Variants in PHF3 observed in about 807,000 individuals in gnomAD.
PHF3 encodes the protein PHD finger protein 3.
In PHF3, 41 loss-of-function variants were observed where a neutral mutation model predicts 178.4. The ratio of observed to expected loss-of-function variants is 0.23; its 90% CI spans 0.18 to 0.30. The LOEUF (loss-of-function observed/expected upper bound fraction) is 0.30. Among genes scored for constraint, PHF3 ranks in the 10% least tolerant of loss-of-function variants. The pLI is 1.00. For missense variants in PHF3, 2,346 were observed against 2,398.1 expected, an observed-to-expected ratio of 0.98 and a Z score of 0.45; for synonymous variants, 842 against 800.5, an observed-to-expected ratio of 1.05 and a Z score of -0.88.
At chr6:63,709,089 A>G in intron 13 of PHF3, 62 bp from the exon 14 acceptor site, 1 of 807,664 alleles carries the variant, frequency 1.2e-6, no homozygotes, top group Non-Finnish European at 1.9e-6. Flanking sequence ...TGTATGAATT[A>G]CTAATGTCAT....
intron 4 of PHF3, among the ~76,000 whole-genome samples, chr6:63,688,670 C>T (rs1182165684): frequency 6.6e-6 from 1 of 152,056 alleles, no homozygotes; most frequent in African/African-American, 2.4e-5. Flanking sequence ...GCCTTCACTA[C>T]TACTGTGATT....
At chr6:63,694,432 T>C (rs891609059) in intron 5 of PHF3, 149 bp from the exon 6 acceptor site, 3 of 479,634 alleles carry the variant, frequency 6.3e-6, no homozygotes, top group African/African-American at 2.0e-5. Flanking sequence ...TAAGCTATTA[T>C]GTGTTCTACA....
At position 63,671,631 on chromosome 6, in the gene PHF3, G is replaced by A. The variant is rs189220949; in HGVS notation, c.245-8369G>A. ...CAAGCAGAGAAATAGCAAATGAAGG[G>A]TACTCAAAATGTTTAGTTAATACTT... On this transcript the variant is annotated intron_variant, in intron 2 of 15. Transcript: ENST00000262043. Among the ~76,000 whole-genome samples, 5 of 152,202 alleles carry A rather than the reference G, an allele frequency of 3.3e-5. No individual in the cohort carries two copies. The East Asian group carries it at 9.6e-4, about 29-fold the overall frequency.
Position 63,719,030 on chromosome 6 carries a change from AAAAC to A in PHF3, c.*5327_*5330del, listed in dbSNP as rs992664787. Among the ~76,000 whole-genome samples the A allele has an allele frequency of 3.3e-5, 5 of 152,158 alleles. No homozygotes were observed. In the South Asian group the frequency reaches 8.3e-4, roughly 25 times the overall value. ...GTTGTTTTAAGTGGTTTCCGTTAAA[AAAAC>A]AAACCTTTGAATCAATGTGTAAACA... On this transcript the variant is annotated 3_prime_UTR_variant, in exon 16 of 16. Transcript: ENST00000262043.
At chr6:63,673,907 T>C (rs1766036519) in intron 2 of PHF3, among the ~76,000 whole-genome samples, 1 of 152,176 alleles carries the variant, frequency 6.6e-6, no homozygotes, top group African/African-American at 2.4e-5. Context: ...GTTTGCATAG[T>C]TTGGGCTAAA....
chr6:63,659,869 T>C (rs2149554388), intron 2 of PHF3, among the ~76,000 whole-genome samples: 1 of 152,298 alleles, frequency 6.6e-6, no homozygotes, highest in South Asian at 2.1e-4. Flanking sequence ...GTTTTGAGAA[T>C]GGTTAATTTC....
intron 13 of PHF3, among the ~76,000 whole-genome samples, chr6:63,708,257 AT>A (rs1767780869): frequency 6.6e-6 from 1 of 152,214 alleles, no homozygotes; most frequent in African/African-American, 2.4e-5. Context: ...TAAGAGAAAA[AT>A]GAATTAGATC....
chr6:63,699,045 A>G (rs1185776041), intron 8 of PHF3, among the ~76,000 whole-genome samples: 1 of 152,220 alleles, frequency 6.6e-6, no homozygotes. Context: ...AAGAAAATAC[A>G]TAACTTTAGT....
chr6:63,721,800 GCAA>G lies in PHF3; in HGVS notation c.*8093_*8095del, dbSNP rs1206740424. On this transcript the variant is annotated 3_prime_UTR_variant, in exon 16 of 16. Coordinates refer to ENST00000262043, the MANE Select transcript of PHF3 (RefSeq NM_001370348.2). ...TAAAGAGATGCATAAAAAATCACCT[GCAA>G]GAAAGCAAACAGTAAGTTTGATTAG... 2 of 1,537,418 alleles carry G rather than the reference GCAA, an allele frequency of 1.3e-6. No homozygotes were observed. Among genetic ancestry groups the G allele is most frequent in the African/African-American group, 2.8e-5 (2 of 72,296 alleles).
intron 2 of PHF3, 77 bp downstream of exon 2, chr6:63,646,872 TTTTC>T: frequency 9.8e-7 from 1 of 1,023,160 alleles, no homozygotes; most frequent in Admixed American, 4.1e-5. Context: ...GCTTTTTCTT[TTTTC>T]TTTTTTTCTT....
chr6:63,706,984 A>G, intron 13 of PHF3, 108 bp downstream of exon 13: 1 of 954,884 alleles, frequency 1.0e-6, no homozygotes. Flanking sequence ...TTTATTAACA[A>G]TGATTTTTAA....
intron 2 of PHF3, 38 bp downstream of exon 2, chr6:63,646,833 T>A: frequency 7.9e-7 from 1 of 1,262,092 alleles, no homozygotes; most frequent in Non-Finnish European, 1.0e-6. Context: ...TTTTTTAGTC[T>A]GCAATTTAAA....
chr6:63,649,746 G>A (rs1005727124), intron 2 of PHF3, among the ~76,000 whole-genome samples: 1 of 152,220 alleles, frequency 6.6e-6, no homozygotes, highest in Non-Finnish European at 1.5e-5. Context: ...TTTTGACTGT[G>A]TCAAGTATTA....
At chr6:63,670,468 C>CCACGTTAGCCAGGATGGT (rs1765867617) in intron 2 of PHF3, among the ~76,000 whole-genome samples, 1 of 151,932 alleles carries the variant, frequency 6.6e-6, no homozygotes, top group Non-Finnish European at 1.5e-5. Flanking sequence ...TGGGGTTTCA[C>CCACGTTAGCCAGGATGGT]CACGTTAGCC....
In PHF3 at chr6:63,713,957, A is replaced by G. The variant is rs1027435597; in HGVS notation, c.*249A>G. Reference sequence around the variant, plus strand: ...AAAAGTTTTACATTGCTGTATATTCAAAGATTTGTTTTATTAATATGCAAT... The same window carrying G: ...AAAAGTTTTACATTGCTGTATATTCGAAGATTTGTTTTATTAATATGCAAT... On this transcript the variant is annotated 3_prime_UTR_variant, in exon 16 of 16. Coordinates refer to ENST00000262043, the MANE Select transcript of PHF3 (RefSeq NM_001370348.2). The G allele has an allele frequency of 5.9e-6, 2 of 340,266 alleles. No individual in the cohort carries two copies. The highest frequency in any genetic ancestry group is 4.2e-5 in the African/African-American group (2 of 47,284). The allele number at this position is 340,266 out of a possible 1,614,324, so 21.1% of individuals were successfully genotyped here.
At chr6:63,694,031 T>G (rs1767122262) in intron 5 of PHF3, among the ~76,000 whole-genome samples, 1 of 152,202 alleles carries the variant, frequency 6.6e-6, no homozygotes, top group African/African-American at 2.4e-5. Context: ...AACCTGAGTA[T>G]ATGTCTGACT....
intron 3 of PHF3, among the ~76,000 whole-genome samples, chr6:63,680,438 G>T (rs138229108): frequency 0.013 from 1,634 of 128,796 alleles, 27 homozygotes; most frequent in African/African-American, 0.045. Flanking sequence ...TACCTTTATA[G>T]CTCTAGGTAA....
chr6:63,637,200 A>C (rs1272599875), intron 1 of PHF3, among the ~76,000 whole-genome samples: 1 of 152,228 alleles, frequency 6.6e-6, no homozygotes, highest in Non-Finnish European at 1.5e-5. Context: ...ATTTTAAGCT[A>C]AATTTAAAAA....
At chr6:63,679,415 A>G (rs773532311) in intron 2 of PHF3, among the ~76,000 whole-genome samples, 5 of 151,880 alleles carry the variant, frequency 3.3e-5, no homozygotes, top group Non-Finnish European at 7.4e-5. Context: ...TATTTTCTCC[A>G]GCATTTGGGG....
Sources: gnomAD v4.1 joint callset for allele counts (sites outside exome capture counted in the v4.1 genomes callset) on GRCh38, gnomAD v4.1.1 for gene constraint, MANE v1.5 for transcripts, NCBI Gene and HGNC (gene_info 2026-07-23, HGNC 2026-07-21) for gene names.